Variants in HNRNPM observed in about 807,000 individuals in gnomAD.
HNRNPM encodes the protein heterogeneous nuclear ribonucleoprotein M.
In HNRNPM, 11 loss-of-function variants were observed where a neutral mutation model predicts 73.1. The observed-to-expected ratio is 0.15, with a 90% CI of 0.09 to 0.25. The LOEUF (loss-of-function observed/expected upper bound fraction) is 0.25. Among genes scored for constraint, HNRNPM ranks in the 10% least tolerant of loss-of-function variants. HNRNPM has a pLI of 1.00. For synonymous variants in HNRNPM, 407 were observed against 355.2 expected, an observed-to-expected ratio of 1.15 and a Z score of -1.64; for missense variants, 789 against 1,067.9, an observed-to-expected ratio of 0.74 and a Z score of 3.64.
intron 13 of HNRNPM, among the ~76,000 whole-genome samples, 159 bp from the exon 14 acceptor site, chr19:8,485,444 C>T (rs78475230): frequency 8.1e-4 from 124 of 152,388 alleles, no homozygotes; most frequent in Non-Finnish European, 1.0e-3. Context: ...GCCCACCACA[C>T]AGCTGTAGCT....
Position 8,458,057 on chromosome 19 carries a change from C to G in HNRNPM, c.283+2483C>G, listed in dbSNP as rs144579586. ...ACTGAAATTTTCTGTCATTATAGCACTATCTAATTGCAGCCTCTCAGAACT... is the reference window on the plus strand; with the variant it reads ...ACTGAAATTTTCTGTCATTATAGCAGTATCTAATTGCAGCCTCTCAGAACT... On this transcript the variant is annotated intron_variant, in intron 2 of 15. Coordinates refer to ENST00000325495, the MANE Select transcript of HNRNPM (RefSeq NM_005968.5). Among the ~76,000 whole-genome samples the G allele has an allele frequency of 2.3e-3, 348 of 152,300 alleles. 3 individuals carry two copies. Among genetic ancestry groups the G allele is most frequent in the African/African-American group, 7.9e-3 (327 of 41,544 alleles).
rs185608303 is a variant in HNRNPM at position 8,463,635 on chromosome 19, G to A, written c.387G>A (p.Ala129=). 68 of 1,613,992 alleles carry A rather than the reference G, an allele frequency of 4.2e-5. No homozygotes were observed. Among genetic ancestry groups the A allele is most frequent in the Non-Finnish European group, 5.4e-5 (64 of 1,179,894 alleles). Residue 129 remains alanine, a synonymous_variant, in exon 5 of 16, where the codon GCG becomes GCA. Coordinates refer to ENST00000325495, the MANE Select transcript of HNRNPM (RefSeq NM_005968.5). ...FKMEESMKKA[A]EVLNKHSLSG... ...TGGAAGAGAGCATGAAAAAAGCTGCGGAAGTCCTAAACAAGCATAGTCTGA... is the reference window on the plus strand; with the variant it reads ...TGGAAGAGAGCATGAAAAAAGCTGCAGAAGTCCTAAACAAGCATAGTCTGA...
At chr19:8,453,440 C>T (rs998501732) in intron 1 of HNRNPM, among the ~76,000 whole-genome samples, 3 of 152,182 alleles carry the variant, frequency 2.0e-5, no homozygotes, top group Admixed American at 1.3e-4. Flanking sequence ...CACACCTGGC[C>T]TCAACTAAAT....
chr19:8,452,279 ACT>A (rs1179061152), intron 1 of HNRNPM, among the ~76,000 whole-genome samples: 2 of 152,174 alleles, frequency 1.3e-5, no homozygotes, highest in Non-Finnish European at 1.5e-5. Flanking sequence ...TTCATCATGG[ACT>A]CTGTCAGAAT....
chr19:8,471,189 T>C (rs183478319), intron 9 of HNRNPM, 137 bp from the exon 10 acceptor site: 116 of 468,274 alleles, frequency 2.5e-4, no homozygotes, highest in Admixed American at 4.2e-4. Flanking sequence ...GAATTTTGCA[T>C]TGGGCCCTGA....
Position 8,485,774 on chromosome 19 carries a change from G to A in HNRNPM, c.1346G>A (p.Arg449His), listed in dbSNP as rs534215217. The A allele has an allele frequency of 1.2e-6, 2 of 1,603,722 alleles. No homozygotes were observed. The highest frequency in any genetic ancestry group is 1.7e-6 in the Non-Finnish European group (2 of 1,179,148). ...LVMDRMGSVE[R>H]MGSGIERMGP... is the part of the protein sequence containing the mutation. ...ATGGACCGCATGGGCTCCGTGGAGC[G>A]CATGGGCTCCGGCATTGAGCGCATG... Residue 449 changes from arginine (R) to histidine (H), a missense_variant, in exon 14 of 16, where the codon CGC (arginine) becomes CAC (histidine). Physicochemically the swap from Arg to His is conservative, Grantham distance 29. Around this residue, in one of 4 missense-constraint regions of HNRNPM, gnomAD observed 604 missense variants for 744.0 expected, o/e 0.81. Transcript: ENST00000325495.
At chr19:8,481,235 T>C (rs1301681365) in intron 12 of HNRNPM, among the ~76,000 whole-genome samples, 1 of 152,216 alleles carries the variant, frequency 6.6e-6, no homozygotes, top group Admixed American at 6.5e-5. Flanking sequence ...GAGGCGATAC[T>C]AAGGGTGGCT....
chr19:8,461,760 A>G (rs1027315864), intron 2 of HNRNPM, among the ~76,000 whole-genome samples: 1 of 152,184 alleles, frequency 6.6e-6, no homozygotes, highest in African/African-American at 2.4e-5. Context: ...GAAAGCGGCA[A>G]GAATGAAGCC....
chr19:8,456,485 C>G (rs1969038083), intron 2 of HNRNPM, among the ~76,000 whole-genome samples: 1 of 152,234 alleles, frequency 6.6e-6, no homozygotes, highest in Non-Finnish European at 1.5e-5. Context: ...GCACCCCGAC[C>G]TAGACTCAAA....
chr19:8,466,269 A>G lies in HNRNPM; in HGVS notation c.665A>G (p.Glu222Gly). ...AAAGTTGGCTGGAAGAAACTGAAGG[A>G]AGTATTTAGTATGGCTGGTGTGGTG... The part of the protein sequence containing the change: ...DYKVGWKKLK[E>G]VFSMAGVVVR... Residue 222 changes from glutamate (E) to glycine (G), a missense_variant, in exon 7 of 16, where the codon GAA becomes GGA. Physicochemically the swap from Glu to Gly is moderately conservative, Grantham distance 98. Around this residue, in one of 4 missense-constraint regions of HNRNPM, gnomAD observed 604 missense variants for 744.0 expected, o/e 0.81. Coordinates refer to ENST00000325495, the MANE Select transcript of HNRNPM (RefSeq NM_005968.5). 1 of 1,613,948 alleles carries G rather than the reference A, an allele frequency of 6.2e-7. No homozygotes were observed.
In HNRNPM at chr19:8,486,151, A is replaced by G. The variant is rs1296674994; in HGVS notation, c.1723A>G (p.Ser575Gly). 6.2e-7 allele frequency: 1 copy of G among 1,602,962 alleles called. No homozygotes were observed. Among genetic ancestry groups the G allele is most frequent in the South Asian group, 1.1e-5 (1 of 90,894 alleles). The change falls in exon 14 of 16, where the codon AGC (serine) becomes GGC (glycine). Residue 575 changes from serine to glycine, a missense_variant. Transcript: ENST00000325495. ...GGGCCTGGAGCGCATGGGCGCCAAC[A>G]GCCTCGAGCGCATGGGCCTGGAGCG... Reference protein sequence around the residue: ...RMGLERMGANSLERMGLERMG... With the variant: ...RMGLERMGANGLERMGLERMG...
At chr19:8,468,752 G>A (rs996908737) in intron 8 of HNRNPM, 22 bp from the exon 9 acceptor site, 1 of 1,605,046 alleles carries the variant, frequency 6.2e-7, no homozygotes, top group Non-Finnish European at 8.5e-7. Flanking sequence ...ACTGAGATTT[G>A]TTTGTTTTCT....
Position 8,488,730 on chromosome 19 carries a change from A to G in HNRNPM, c.2069A>G (p.Lys690Arg). ...LYADIKMENGKSKGCGVVKFE... is the reference protein window; with the variant it reads ...LYADIKMENGRSKGCGVVKFE... Reference sequence around the variant, plus strand: ...GCCGACATCAAGATGGAGAATGGGAAGTCCAAGGGGTGTGGCGTGGTTAAG... The same window carrying G: ...GCCGACATCAAGATGGAGAATGGGAGGTCCAAGGGGTGTGGCGTGGTTAAG... Residue 690 changes from lysine (K) to arginine (R), a missense_variant, in exon 16 of 16, where the codon AAG (lysine) becomes AGG (arginine). Physicochemically the swap from Lys to Arg is conservative, Grantham distance 26 (BLOSUM62 2). Coordinates refer to ENST00000325495, the MANE Select transcript of HNRNPM (RefSeq NM_005968.5). 6.2e-7 allele frequency: 1 copy of G among 1,614,064 alleles called. No homozygotes were observed. The highest frequency in any genetic ancestry group is 8.5e-7 in the Non-Finnish European group (1 of 1,179,958).
In HNRNPM at chr19:8,447,276, T is replaced by TTTTC. The variant is rs57412916; in HGVS notation, c.113+2165_113+2166insTTTC. 1.4e-4 allele frequency among the ~76,000 whole-genome samples: 21 copies of TTTTC among 151,340 alleles called. No homozygotes were observed. In the South Asian group the frequency reaches 3.3e-3, roughly 24 times the overall value. ...TGTGGAAAACTTTTTTTTTTTTTTT[T>TTTTC]CATTACAAGTCTTAAGGAAATCTCT... is the stretch of plus-strand genomic sequence containing the variant. On this transcript the variant is annotated intron_variant, in intron 1 of 15. Coordinates refer to ENST00000325495, the MANE Select transcript of HNRNPM (RefSeq NM_005968.5).
intron 3 of HNRNPM, 84 bp from the exon 4 acceptor site, chr19:8,463,413 A>G (rs1969522711): frequency 2.2e-6 from 3 of 1,386,468 alleles, no homozygotes; most frequent in Non-Finnish European, 1.0e-6. Flanking sequence ...TAGTTTGTTT[A>G]TAACTGTCAT....
chr19:8,471,788 T>C (rs1970157911), intron 10 of HNRNPM, among the ~76,000 whole-genome samples: 1 of 152,162 alleles, frequency 6.6e-6, no homozygotes, highest in African/African-American at 2.4e-5. Flanking sequence ...ACTGCCGCAG[T>C]GCCCTGAAAA....
At chr19:8,456,184 A>G (rs1969011296) in intron 2 of HNRNPM, among the ~76,000 whole-genome samples, 1 of 152,160 alleles carries the variant, frequency 6.6e-6, no homozygotes, top group Admixed American at 6.5e-5. Context: ...GTGCCTTAGG[A>G]TGTGGATTGT....
chr19:8,484,876 C>T (rs1386286265), intron 13 of HNRNPM, among the ~76,000 whole-genome samples: 5 of 152,136 alleles, frequency 3.3e-5, no homozygotes, highest in African/African-American at 4.8e-5. Context: ...GGCGTCCCTT[C>T]GTTCTGCTGA....
chr19:8,454,141 G>A (rs1344317727), intron 1 of HNRNPM, among the ~76,000 whole-genome samples: 2 of 152,220 alleles, frequency 1.3e-5, no homozygotes, highest in Non-Finnish European at 2.9e-5. Flanking sequence ...TAAGTGTGCA[G>A]TGAAGTATGA....
Sources: gnomAD v4.1 joint callset for allele counts (sites outside exome capture counted in the v4.1 genomes callset) on GRCh38, gnomAD v4.1.1 for gene constraint, gnomAD v4.1.1 regional missense constraint, MANE v1.5 for transcripts, NCBI Gene and HGNC (gene_info 2026-07-23, HGNC 2026-07-21) for gene names.